The following ATXN7L1 variants were observed in gnomAD, a reference collection of about 807,000 sequenced individuals.
The protein encoded by ATXN7L1 is ataxin 7 like 1, also known as ataxin-7-like protein 1.
ATXN7L1 carries 15 observed loss-of-function variants against 70.8 expected under a neutral mutation model. The ratio of observed to expected loss-of-function variants is 0.21; its 90% CI spans 0.14 to 0.33. The LOEUF is 0.33. Ranked by LOEUF, ATXN7L1 falls within the 10% of genes least tolerant of loss-of-function variation. The probability of loss-of-function intolerance (pLI) is 1.00; values close to 1 mark genes in which losing one functional copy is unlikely to be tolerated. For synonymous variants in ATXN7L1, 440 were observed against 445.1 expected (o/e 0.99, Z 0.14); for missense variants, 975 against 1,097.1 (o/e 0.89, Z 1.57).
At chr7:105,872,403 A>T (rs1296431756) in intron 2 of ATXN7L1, among the ~76,000 whole-genome samples, 1 of 152,208 alleles carries the variant, frequency 6.6e-6, no homozygotes, top group Non-Finnish European at 1.5e-5. Context: ...AAATGGCCAA[A>T]ATATGGAAAC....
intron 3 of ATXN7L1, chr7:105,678,917 G>C: frequency 3.4e-6 from 1 of 290,468 alleles, no homozygotes; most frequent in Non-Finnish European, 5.2e-6. Context: ...GGAGAGCACT[G>C]TCTATGCTAA....
chr7:105,782,864 GGCTGACCTCAGCGT>G (rs1243164927), intron 3 of ATXN7L1, among the ~76,000 whole-genome samples: 2 of 152,162 alleles, frequency 1.3e-5, no homozygotes, highest in African/African-American at 4.8e-5. Context: ...AAAGTCTGTG[GGCTGACCTCAGCGT>G]GCACATCCTC....
intron 3 of ATXN7L1, among the ~76,000 whole-genome samples, chr7:105,777,530 C>T (rs1220003106): frequency 6.6e-6 from 1 of 152,198 alleles, no homozygotes; most frequent in Non-Finnish European, 1.5e-5. Flanking sequence ...ACTGGCCATT[C>T]TCCTTCAACC....
intron 3 of ATXN7L1, among the ~76,000 whole-genome samples, chr7:105,730,857 G>A (rs1211611968): frequency 6.6e-6 from 1 of 152,110 alleles, no homozygotes; most frequent in Admixed American, 6.6e-5. Flanking sequence ...AATAAACTAC[G>A]GACTTCGGTT....
chr7:105,639,664 C>T (rs1797887064), intron 5 of ATXN7L1, 95 bp from the exon 6 acceptor site: 2 of 844,216 alleles, frequency 2.4e-6, no homozygotes, highest in African/African-American at 3.5e-5. Context: ...ACATTTGCAC[C>T]AACAAGTGAG....
intron 3 of ATXN7L1, among the ~76,000 whole-genome samples, chr7:105,689,479 A>G (rs184645850): frequency 9.5e-4 from 145 of 152,310 alleles, no homozygotes; most frequent in Admixed American, 2.1e-3. Flanking sequence ...ATAAAGGCCT[A>G]TAGGTTCTCT....
chr7:105,692,391 T>G (rs1466577005), intron 3 of ATXN7L1, among the ~76,000 whole-genome samples: 1 of 113,570 alleles, frequency 8.8e-6, no homozygotes, highest in African/African-American at 3.6e-5. Flanking sequence ...CCTTCCTTCC[T>G]TCCTTCCTTC....
intron 3 of ATXN7L1, among the ~76,000 whole-genome samples, chr7:105,772,120 C>A (rs1017973339): frequency 5.1e-4 from 65 of 127,222 alleles, no homozygotes; most frequent in Middle Eastern, 0.012. Flanking sequence ...GTCGCCCAGG[C>A]TGAAGTGCAG....
At chr7:105,619,531 T>TAA (rs1363646399) in intron 9 of ATXN7L1, among the ~76,000 whole-genome samples, 2 of 4,816 alleles carry the variant, frequency 4.2e-4, no homozygotes, top group African/African-American at 1.3e-3. Context: ...TATATATATA[T>TAA]TTTTTTTTTT....
At chr7:105,865,312 AAAT>A (rs1817239626) in intron 2 of ATXN7L1, among the ~76,000 whole-genome samples, 1 of 152,254 alleles carries the variant, frequency 6.6e-6, no homozygotes, top group Non-Finnish European at 1.5e-5. Flanking sequence ...GTCAAGATTT[AAAT>A]AATGCTCCAT....
intron 3 of ATXN7L1, among the ~76,000 whole-genome samples, chr7:105,717,625 C>T (rs1318210827): frequency 6.6e-6 from 1 of 152,172 alleles, no homozygotes; most frequent in Non-Finnish European, 1.5e-5. Context: ...CTTGATACAT[C>T]TAGTCAAATG....
At chr7:105,821,211 G>A (rs768443208) in intron 2 of ATXN7L1, among the ~76,000 whole-genome samples, 16 of 151,888 alleles carry the variant, frequency 1.1e-4, no homozygotes, top group Admixed American at 2.0e-4. Flanking sequence ...GGCTAATTTT[G>A]TATTTTTAGT....
At chr7:105,819,462 AG>A (rs1450674114) in intron 2 of ATXN7L1, 5 of 668,492 alleles carry the variant, frequency 7.5e-6, no homozygotes, top group East Asian at 2.7e-5. Context: ...AAAAAAAAAA[AG>A]AGTGTCCTTT....
intron 2 of ATXN7L1, among the ~76,000 whole-genome samples, chr7:105,812,552 C>G (rs1215529932): frequency 6.6e-6 from 1 of 152,140 alleles, no homozygotes; most frequent in Non-Finnish European, 1.5e-5. Flanking sequence ...TACTCGAGTC[C>G]TTAATACGAA....
intron 2 of ATXN7L1, among the ~76,000 whole-genome samples, chr7:105,803,185 C>T (rs1308388075): frequency 2.0e-5 from 3 of 152,270 alleles, no homozygotes; most frequent in African/African-American, 4.8e-5. Context: ...ACCTGCCCAG[C>T]AGTGGTGGGT....
At chr7:105,798,232 C>G (rs1384165695) in intron 2 of ATXN7L1, among the ~76,000 whole-genome samples, 2 of 152,204 alleles carry the variant, frequency 1.3e-5, no homozygotes, top group Non-Finnish European at 2.9e-5. Context: ...TCCTTCCCCC[C>G]ACCCCATGGC....
At chr7:105,664,712 G>A (rs958171300) in intron 4 of ATXN7L1, among the ~76,000 whole-genome samples, 4 of 151,434 alleles carry the variant, frequency 2.6e-5, no homozygotes, top group African/African-American at 9.7e-5. Flanking sequence ...GATTACAGGT[G>A]TGTGCCACCA....
intron 3 of ATXN7L1, among the ~76,000 whole-genome samples, chr7:105,670,288 A>G (rs921091397): frequency 2.0e-5 from 3 of 152,184 alleles, no homozygotes; most frequent in Non-Finnish European, 4.4e-5. Flanking sequence ...TTGAGGCTCA[A>G]TCATGTCTTT....
At chr7:105,792,707 C>T (rs1303050109) in intron 2 of ATXN7L1, among the ~76,000 whole-genome samples, 1 of 152,182 alleles carries the variant, frequency 6.6e-6, no homozygotes, top group Non-Finnish European at 1.5e-5. Context: ...GTCGTCATGG[C>T]AGTAGCTTGA....
Sources: allele counts gnomAD v4.1 joint callset (sites outside exome capture counted in the v4.1 genomes callset), GRCh38; gene constraint gnomAD v4.1.1; transcripts MANE v1.5; gene names NCBI Gene and HGNC (gene_info 2026-07-23, HGNC 2026-07-21).